Variants in SPTLC2 observed in about 807,000 individuals in gnomAD.
SPTLC2 encodes serine palmitoyltransferase long chain base subunit 2, also known as serine palmitoyltransferase 2.
SPTLC2 carries 21 observed loss-of-function variants against 62.0 expected under a neutral mutation model. The ratio of observed to expected loss-of-function variants is 0.34; its 90% CI spans 0.24 to 0.49. The LOEUF is 0.49. SPTLC2 is among the 20% of genes least tolerant of loss of function. The pLI is 0.99. For missense variants in SPTLC2, 511 were observed against 713.0 expected (o/e 0.72, Z 3.23); for synonymous variants, 261 against 261.8 (o/e 1.00, Z 0.03).
At chr14:77,545,844 GT>G (rs2079525516) in intron 9 of SPTLC2, among the ~76,000 whole-genome samples, 1 of 152,150 alleles carries the variant, frequency 6.6e-6, no homozygotes, top group South Asian at 2.1e-4. Context: ...GAATGTTCTT[GT>G]TGCAAGAAAC....
intron 2 of SPTLC2, among the ~76,000 whole-genome samples, chr14:77,594,531 C>T (rs2079835456): frequency 6.6e-6 from 1 of 152,196 alleles, no homozygotes; most frequent in South Asian, 2.1e-4. Flanking sequence ...GAGGCCAAGG[C>T]AGGAGGATCG....
At chr14:77,615,224 T>G (rs1401729833) in intron 1 of SPTLC2, among the ~76,000 whole-genome samples, 1 of 152,252 alleles carries the variant, frequency 6.6e-6, no homozygotes, top group Admixed American at 6.5e-5. Flanking sequence ...ATCTGTGTAT[T>G]ACTTCGCTTT....
intron 4 of SPTLC2, among the ~76,000 whole-genome samples, chr14:77,571,528 G>T (rs61990791): frequency 0.58 from 86,175 of 148,270 alleles, 25,758 homozygotes; most frequent in East Asian, 0.91. Flanking sequence ...AAAAAAAAAG[G>T]TTCTTCCCTC....
chr14:77,592,010 C>T (rs187474323), intron 2 of SPTLC2, among the ~76,000 whole-genome samples: 9 of 152,062 alleles, frequency 5.9e-5, no homozygotes, highest in South Asian at 2.1e-4. Flanking sequence ...AGACGTGAGC[C>T]GCCGTGCCCA....
At chr14:77,527,085 C>T (rs995000966) in intron 9 of SPTLC2, among the ~76,000 whole-genome samples, 2 of 140,750 alleles carry the variant, frequency 1.4e-5, no homozygotes, top group Admixed American at 1.5e-4. Flanking sequence ...TGAGCCACTG[C>T]GCCCGGCCTC....
intron 8 of SPTLC2, 93 bp from the exon 9 acceptor site, chr14:77,552,315 C>A: frequency 6.9e-7 from 1 of 1,443,578 alleles, no homozygotes. Flanking sequence ...GGACTCCTCA[C>A]TTCAATGGCA....
At chr14:77,543,553 A>T (rs752088367) in intron 9 of SPTLC2, among the ~76,000 whole-genome samples, 9 of 152,240 alleles carry the variant, frequency 5.9e-5, no homozygotes, top group Non-Finnish European at 1.2e-4. Context: ...AATACTAAAC[A>T]TTTTAACAAC....
At chr14:77,543,021 G>A (rs2079509583) in intron 9 of SPTLC2, among the ~76,000 whole-genome samples, 2 of 152,190 alleles carry the variant, frequency 1.3e-5, no homozygotes, top group Admixed American at 6.5e-5. Context: ...GTTTTAACGG[G>A]TGCCAACCCA....
chr14:77,561,167 A>T (rs1378666537), intron 6 of SPTLC2, among the ~76,000 whole-genome samples: 1 of 152,232 alleles, frequency 6.6e-6, no homozygotes, highest in African/African-American at 2.4e-5. Flanking sequence ...CTGTAACTGT[A>T]GTGCTGTTCC....
intron 6 of SPTLC2, chr14:77,557,376 G>C: frequency 1.9e-6 from 1 of 539,260 alleles, no homozygotes. Context: ...AAAGGACGGT[G>C]GTGGCTAACT....
In SPTLC2 at chr14:77,555,915, G is replaced by A. The variant is rs904424324; in HGVS notation, c.957-396C>T. ...GTTACAGGAATAAGCCACCCTGCCC[G>A]GCTGAGTTTATTGGGTTTTAAATGG... On this transcript the variant is annotated intron_variant, in intron 7 of 11. Coordinates refer to ENST00000216484, the MANE Select transcript of SPTLC2 (RefSeq NM_004863.4). Among the ~76,000 whole-genome samples, 4 of 151,984 alleles carry A rather than the reference G, an allele frequency of 2.6e-5. No homozygotes were observed. In the East Asian group the frequency reaches 5.8e-4, roughly 22 times the overall value.
At chr14:77,603,819 C>G (rs563830668) in intron 1 of SPTLC2, among the ~76,000 whole-genome samples, 6 of 152,198 alleles carry the variant, frequency 3.9e-5, no homozygotes, top group African/African-American at 1.4e-4. Flanking sequence ...CAGGAGTTAT[C>G]ACACTGGCCA....
Position 77,509,644 on chromosome 14 carries a change from T to C in SPTLC2, c.*2640A>G, listed in dbSNP as rs2079322669. 1.9e-5 allele frequency: 7 copies of C among 367,608 alleles called. No individual in the cohort carries two copies. The highest frequency in any genetic ancestry group is 7.8e-5 in the East Asian group (2 of 25,718). 22.8% of individuals were successfully genotyped at this position (367,608 alleles called of 1,614,324 possible). ...CAAATCGACTTATTCTCAATGACTGTATTTATATATACTTGTATTCCTCCA... is the reference window on the plus strand; with the variant it reads ...CAAATCGACTTATTCTCAATGACTGCATTTATATATACTTGTATTCCTCCA... On this transcript the variant is annotated 3_prime_UTR_variant, in exon 12 of 12. Transcript: ENST00000216484.
chr14:77,580,069 T>A (rs2079739703), intron 2 of SPTLC2, among the ~76,000 whole-genome samples: 1 of 152,194 alleles, frequency 6.6e-6, no homozygotes, highest in African/African-American at 2.4e-5. Context: ...ATAATTCCAA[T>A]TTCAACCAAG....
intron 1 of SPTLC2, among the ~76,000 whole-genome samples, chr14:77,613,070 CACAA>C (rs3831726): frequency 0.44 from 66,681 of 151,690 alleles, 14,884 homozygotes; most frequent in East Asian, 0.63. Flanking sequence ...AAAACAAACA[CACAA>C]ACAAACTACT....
Position 77,557,040 on chromosome 14 carries a change from C to T in SPTLC2, c.956+1G>A. 1.2e-6 allele frequency: 2 copies of T among 1,611,878 alleles called. No individual in the cohort carries two copies. The highest frequency in any genetic ancestry group is 2.2e-5 in the East Asian group (1 of 44,864). ...AGGTAAGAATAATAAAGCAGGATTA[C>T]CTATATATTCCTTCCACAAGGATGA... is the stretch of plus-strand genomic sequence containing the variant. On this transcript the variant is annotated splice_donor_variant, in intron 7 of 11. Transcript: ENST00000216484. LOFTEE classifies it high-confidence loss of function.
intron 2 of SPTLC2, among the ~76,000 whole-genome samples, chr14:77,580,857 T>A (rs2079746089): frequency 6.6e-6 from 1 of 152,148 alleles, no homozygotes; most frequent in Non-Finnish European, 1.5e-5. Flanking sequence ...TCTCTACAAA[T>A]AAATTTTTAA....
At chr14:77,550,712 G>A (rs983193209) in intron 9 of SPTLC2, among the ~76,000 whole-genome samples, 8 of 151,804 alleles carry the variant, frequency 5.3e-5, no homozygotes, top group African/African-American at 1.9e-4. Flanking sequence ...GACCAACCTG[G>A]GCAACATGGT....
rs763912148 is a variant in SPTLC2, at chr14:77,507,889, A to T, written c.*4395T>A. The T allele has an allele frequency of 7.9e-5, 12 of 152,318 alleles. No homozygotes were observed. The highest frequency in any genetic ancestry group is 2.1e-4 in the South Asian group (1 of 4,828). The allele number at this position is 152,318 out of a possible 1,614,324, so 9.4% of individuals were successfully genotyped here. On this transcript the variant is annotated 3_prime_UTR_variant, in exon 12 of 12. Transcript: ENST00000216484. Reference sequence around the variant, plus strand: ...CAACCCCTTTGGGCTAAGCTGATTTAAAAAACATTTTTTTCTTAGATGGGG... The same window carrying T: ...CAACCCCTTTGGGCTAAGCTGATTTTAAAAACATTTTTTTCTTAGATGGGG...
Sources: gnomAD v4.1 joint callset for allele counts (sites outside exome capture counted in the v4.1 genomes callset) on GRCh38, gnomAD v4.1.1 for gene constraint, MANE v1.5 for transcripts, NCBI Gene and HGNC (gene_info 2026-07-23, HGNC 2026-07-21) for gene names.